The following USP16 variants were observed in gnomAD, a reference collection of about 807,000 sequenced individuals.
USP16 encodes ubiquitin specific peptidase 16.
A neutral mutation model predicts 95.9 loss-of-function variants in USP16; 77 were observed. The observed-to-expected ratio is 0.80, with a 90% CI of 0.67 to 0.97. The LOEUF is 0.97. USP16 is among the 50% of genes least tolerant of loss of function. USP16 has a pLI of 0.00. For missense variants in USP16, 943 were observed against 959.9 expected, an observed-to-expected ratio of 0.98 and a Z score of 0.23; for synonymous variants, 303 against 318.2, an observed-to-expected ratio of 0.95 and a Z score of 0.51.
chr21:29,039,443 A>T (rs1568890210), intron 8 of USP16, 38 bp from the exon 9 acceptor site: 8 of 1,595,438 alleles, frequency 5.0e-6, no homozygotes, highest in Middle Eastern at 1.7e-4. Flanking sequence ...AGCTTAGTAG[A>T]CTGAAGATTG....
At position 29,027,991 on chromosome 21, in the gene USP16, G is replaced by T; in HGVS notation, c.61+17G>T. 6.4e-7 allele frequency: 1 copy of T among 1,567,586 alleles called. No homozygotes were observed. Among genetic ancestry groups the T allele is most frequent in the South Asian group, 1.1e-5 (1 of 89,738 alleles). Reference sequence around the variant, plus strand: ...AAACTTTAGGTATATTTCATTGATTGAATCTTTAATGTTTATATCTCTAAA... The same window carrying T: ...AAACTTTAGGTATATTTCATTGATTTAATCTTTAATGTTTATATCTCTAAA... On this transcript the variant is annotated intron_variant, in intron 2 of 17. Coordinates refer to ENST00000399976, the MANE Select transcript of USP16 (RefSeq NM_006447.3).
intron 2 of USP16, among the ~76,000 whole-genome samples, chr21:29,028,943 T>C (rs2085035871): frequency 6.6e-6 from 1 of 152,354 alleles, no homozygotes; most frequent in Non-Finnish European, 1.5e-5. Context: ...AATTTTTGAA[T>C]CGAAGGGTGT....
intron 16 of USP16, chr21:29,053,188 G>C (rs1169459335): frequency 6.6e-6 from 1 of 152,504 alleles, no homozygotes; most frequent in Non-Finnish European, 1.5e-5. Context: ...GGGCCGTGAT[G>C]CCTGTTACGG....
Position 29,034,822 on chromosome 21 carries a change from T to C in USP16, c.241-15T>C. The C allele has an allele frequency of 6.2e-7, 1 of 1,613,590 alleles. No individual in the cohort carries two copies. The highest frequency in any genetic ancestry group is 8.5e-7 in the Non-Finnish European group (1 of 1,179,552). ...GTTTTTATGGCTTTGAGGTTTATGA[T>C]TATGATTTTTTTAGGGCTGTGGCAG... On this transcript the variant is annotated splice_polypyrimidine_tract_variant and intron_variant, in intron 3 of 17. Coordinates refer to ENST00000399976, the MANE Select transcript of USP16 (RefSeq NM_006447.3).
rs536992319 is a variant in USP16 at position 29,051,191 on chromosome 21, G to A, written c.2193+1013G>A. 7.2e-5 allele frequency among the ~76,000 whole-genome samples: 11 copies of A among 152,250 alleles called. No homozygotes were observed. The South Asian group carries it at 8.3e-4, about 11-fold the overall frequency. On this transcript the variant is annotated intron_variant, in intron 16 of 17. Transcript: ENST00000399976. ...TGTAAATTGAGATAGGATATATAGGGAGAAAAGCAGGTTGAGAAAAGCAGG... is the reference window on the plus strand; with the variant it reads ...TGTAAATTGAGATAGGATATATAGGAAGAAAAGCAGGTTGAGAAAAGCAGG...
chr21:29,033,222 T>G (rs1333061561), intron 3 of USP16, among the ~76,000 whole-genome samples: 1 of 152,236 alleles, frequency 6.6e-6, no homozygotes, highest in Non-Finnish European at 1.5e-5. Context: ...TAGATACCTT[T>G]GGCACTGTTA....
At chr21:29,043,318 CT>C in intron 12 of USP16, 104 bp from the exon 13 acceptor site, 1 of 823,142 alleles carries the variant, frequency 1.2e-6, no homozygotes, top group Admixed American at 4.2e-5. Flanking sequence ...AAAAAAAAAG[CT>C]AATACATAAT....
At chr21:29,034,547 A>G (rs760110829) in intron 3 of USP16, among the ~76,000 whole-genome samples, 2 of 152,070 alleles carry the variant, frequency 1.3e-5, no homozygotes, top group Non-Finnish European at 2.9e-5. Context: ...TCCTGACCTC[A>G]GGTGATCCCA....
At chr21:29,025,988 G>C (rs2084980874) in intron 1 of USP16, among the ~76,000 whole-genome samples, 1 of 152,230 alleles carries the variant, frequency 6.6e-6, no homozygotes, top group Non-Finnish European at 1.5e-5. Flanking sequence ...GATGACTAGA[G>C]CATACCATAA....
intron 2 of USP16, among the ~76,000 whole-genome samples, chr21:29,029,804 C>G (rs2085051737): frequency 6.6e-6 from 1 of 152,110 alleles, no homozygotes; most frequent in Admixed American, 6.5e-5. Context: ...AAAGTGTGAG[C>G]TATGAAGTCT....
intron 13 of USP16, among the ~76,000 whole-genome samples, chr21:29,045,729 C>T (rs1023227332): frequency 3.9e-5 from 6 of 152,130 alleles, no homozygotes; most frequent in African/African-American, 1.4e-4. Context: ...GAGACCATGT[C>T]TTGCATATTT....
chr21:29,047,400 T>G (rs1436953629), intron 14 of USP16, 79 bp downstream of exon 14: 1 of 1,418,704 alleles, frequency 7.0e-7, no homozygotes, highest in East Asian at 2.4e-5. Context: ...TACTCCTAAT[T>G]GTATCAGGAT....
At chr21:29,042,746 C>G (rs991863110) in intron 12 of USP16, 1 of 449,242 alleles carries the variant, frequency 2.2e-6, no homozygotes, top group African/African-American at 2.1e-5. Flanking sequence ...GAATTCTGTA[C>G]AAGTAATTAG....
In USP16 at chr21:29,046,957, A is replaced by G. The variant is rs770968529; in HGVS notation, c.1647A>G (p.Leu549=). The G allele has an allele frequency of 5.0e-6, 8 of 1,614,156 alleles. No homozygotes were observed. The highest frequency in any genetic ancestry group is 6.8e-6 in the Non-Finnish European group (8 of 1,180,018). Residue 549 remains leucine (L), a synonymous_variant, in exon 14 of 18, where the codon TTA becomes TTG. Transcript: ENST00000399976. ...ACATGGATAATGATCTGGAGGTTTT[A>G]ACATCTTCTCCCACTAGGAATTTAA... ...NINMDNDLEV[L]TSSPTRNLNG...
chr21:29,027,705 T>C (rs1017405972), intron 1 of USP16, among the ~76,000 whole-genome samples, 168 bp from the exon 2 acceptor site: 1 of 152,248 alleles, frequency 6.6e-6, no homozygotes, highest in East Asian at 1.9e-4. Flanking sequence ...AACTATTCTA[T>C]CTACTTGAGT....
chr21:29,040,802 T>C, intron 10 of USP16, 115 bp downstream of exon 10: 1 of 461,978 alleles, frequency 2.2e-6, no homozygotes, highest in Non-Finnish European at 3.7e-6. Flanking sequence ...AATTTCTCTT[T>C]ATCAACGTTG....
chr21:29,030,597 C>A lies in USP16; in HGVS notation c.64C>A (p.Pro22Thr). 6.3e-7 allele frequency: 1 copy of A among 1,579,346 alleles called. No homozygotes were observed. Among genetic ancestry groups the A allele is most frequent in the Non-Finnish European group, 8.6e-7 (1 of 1,166,152 alleles). The change falls in exon 3 of 18, where the codon CCT becomes ACT. Residue 22 changes from proline to threonine, a missense_variant and splice_region_variant. Transcript: ENST00000399976. ...PIDDSSETLE[P>T]VCRHIRKGLE... The stretch of plus-strand genomic sequence containing the variant: ...TTGTCTATTATTTGTTTTAATAGAA[C>A]CTGTGTGCAGACACATTAGAAAAGG...
chr21:29,052,651 T>A (rs955481632), intron 16 of USP16: 1 of 152,156 alleles, frequency 6.6e-6, no homozygotes, highest in Non-Finnish European at 1.5e-5. Flanking sequence ...AAAGTCTTCA[T>A]AGGTGAGGAG....
rs182811362 is a variant in USP16, at chr21:29,028,083, A to G, written c.61+109A>G. The G allele has an allele frequency of 4.0e-4, 338 of 835,168 alleles. 1 individual carries two copies. The African/African-American group carries it at 4.5e-3, about 11-fold the overall frequency. The allele number at this position is 835,168 out of a possible 1,614,324, so 51.7% of individuals were successfully genotyped here. On this transcript the variant is annotated intron_variant, in intron 2 of 17. Coordinates refer to ENST00000399976, the MANE Select transcript of USP16 (RefSeq NM_006447.3). Reference sequence around the variant, plus strand: ...TTATTGTTATATTATCTGCATTTTAATATAATGTTTGTATCTATATGTCAT... The same window carrying G: ...TTATTGTTATATTATCTGCATTTTAGTATAATGTTTGTATCTATATGTCAT...
Sources: allele counts gnomAD v4.1 joint callset (sites outside exome capture counted in the v4.1 genomes callset), GRCh38; gene constraint gnomAD v4.1.1; transcripts MANE v1.5; gene names NCBI Gene and HGNC (gene_info 2026-07-23, HGNC 2026-07-21).